The following SPATA16 variants were observed in gnomAD, a reference collection of about 807,000 sequenced individuals.
The protein encoded by SPATA16 is spermatogenesis-associated protein 16.
SPATA16 carries 36 observed loss-of-function variants against 63.3 expected under a neutral mutation model. The ratio of observed to expected loss-of-function variants is 0.57; its 90% CI spans 0.44 to 0.75. The LOEUF (loss-of-function observed/expected upper bound fraction) is 0.75, where lower values mean the gene tolerates loss of function less well. Among genes scored for constraint, SPATA16 ranks in the 30% least tolerant of loss-of-function variants. SPATA16 has a pLI of 0.00. For synonymous variants in SPATA16, 203 were observed against 216.7 expected (o/e 0.94, Z 0.56); for missense variants, 646 against 679.3 (o/e 0.95, Z 0.54).
At chr3:173,028,856 A>G (rs1009411002) in intron 3 of SPATA16, among the ~76,000 whole-genome samples, 1 of 152,058 alleles carries the variant, frequency 6.6e-6, no homozygotes, top group African/African-American at 2.4e-5. Context: ...GATCATCACC[A>G]TATCGGAAGC....
chr3:172,929,321 T>C, intron 6 of SPATA16, among the ~76,000 whole-genome samples: 1 of 152,318 alleles, frequency 6.6e-6, no homozygotes, highest in African/African-American at 2.4e-5. Flanking sequence ...CAAAGATAGA[T>C]TATGCAGATT....
intron 2 of SPATA16, among the ~76,000 whole-genome samples, chr3:173,093,040 A>AACACACACAC (rs57114377): frequency 2.9e-4 from 41 of 142,646 alleles, no homozygotes; most frequent in African/African-American, 5.2e-4. Context: ...ATGCACCTAA[A>AACACACACAC]ACACACACAC....
chr3:172,924,496 C>G (rs1732683976), intron 7 of SPATA16, among the ~76,000 whole-genome samples, 179 bp from the exon 8 acceptor site: 1 of 152,114 alleles, frequency 6.6e-6, no homozygotes, highest in African/African-American at 2.4e-5. Flanking sequence ...GGGAGAAAGG[C>G]AGAGGAGATG....
At chr3:173,048,422 G>C (rs1736005431) in intron 3 of SPATA16, among the ~76,000 whole-genome samples, 2 of 152,016 alleles carry the variant, frequency 1.3e-5, no homozygotes, top group Non-Finnish European at 2.9e-5. Flanking sequence ...GTGACACACA[G>C]ATACATACTT....
intron 1 of SPATA16, among the ~76,000 whole-genome samples, chr3:173,135,913 T>C (rs1487693407): frequency 6.6e-6 from 1 of 152,198 alleles, no homozygotes; most frequent in Non-Finnish European, 1.5e-5. Context: ...TTTTACCAAA[T>C]GTATGTTATG....
intron 3 of SPATA16, among the ~76,000 whole-genome samples, chr3:173,030,639 T>C (rs1159621348): frequency 6.6e-6 from 1 of 152,036 alleles, no homozygotes; most frequent in Non-Finnish European, 1.5e-5. Flanking sequence ...GATTGTAAAA[T>C]GATGCACCCA....
chr3:172,949,090 A>C (rs1733365162), intron 6 of SPATA16, among the ~76,000 whole-genome samples: 1 of 152,164 alleles, frequency 6.6e-6, no homozygotes, highest in African/African-American at 2.4e-5. Context: ...AGGGCCAGTA[A>C]AGGGTATCTG....
intron 8 of SPATA16, among the ~76,000 whole-genome samples, chr3:172,920,802 ATTAT>A (rs1357143311): frequency 4.6e-5 from 7 of 152,206 alleles, no homozygotes; most frequent in Admixed American, 4.6e-4. Context: ...CATATTTATC[ATTAT>A]TTATGTGACA....
At position 173,029,070 on chromosome 3, in the gene SPATA16, A is replaced by G. The variant is rs34640751; in HGVS notation, c.759-9495T>C. Among the ~76,000 whole-genome samples the G allele has an allele frequency of 9.1e-4, 138 of 152,044 alleles. 1 individual carries two copies. Among genetic ancestry groups the G allele is most frequent in the Non-Finnish European group, 1.6e-3 (108 of 67,958 alleles). On this transcript the variant is annotated intron_variant, in intron 3 of 10. Coordinates refer to ENST00000351008, the MANE Select transcript of SPATA16 (RefSeq NM_031955.6). ...ATAAAGCTACAAATAGCTCAGTTCA[A>G]CATAAGGGGGGACTTACTAACCAAT...
At chr3:173,039,555 T>C (rs1427726724) in intron 3 of SPATA16, among the ~76,000 whole-genome samples, 3 of 152,162 alleles carry the variant, frequency 2.0e-5, no homozygotes, top group Admixed American at 6.6e-5. Context: ...TCATATATTG[T>C]TTCCTCATTT....
intron 10 of SPATA16, among the ~76,000 whole-genome samples, chr3:172,906,738 T>C (rs1416880613): frequency 6.7e-6 from 1 of 149,626 alleles, no homozygotes; most frequent in Non-Finnish European, 1.5e-5. Context: ...TAATACATTT[T>C]ACTTTTTTAT....
intron 8 of SPATA16, among the ~76,000 whole-genome samples, chr3:172,917,768 C>A (rs767462368): frequency 2.0e-5 from 3 of 151,886 alleles, no homozygotes; most frequent in Non-Finnish European, 2.9e-5. Flanking sequence ...ATTTCACTTT[C>A]TTAAGAGAAT....
chr3:172,936,853 A>G (rs1733007479), intron 6 of SPATA16, among the ~76,000 whole-genome samples: 1 of 152,090 alleles, frequency 6.6e-6, no homozygotes, highest in Non-Finnish European at 1.5e-5. Context: ...GACTACAGGC[A>G]TGGGCCACTA....
intron 2 of SPATA16, among the ~76,000 whole-genome samples, chr3:173,061,775 A>G (rs1264216380): frequency 6.6e-6 from 1 of 152,202 alleles, no homozygotes; most frequent in East Asian, 1.9e-4. Flanking sequence ...AACTTTCTAC[A>G]TGGTACCTCA....
intron 3 of SPATA16, among the ~76,000 whole-genome samples, chr3:173,035,104 A>C (rs1418425069): frequency 6.6e-6 from 1 of 152,146 alleles, no homozygotes; most frequent in Non-Finnish European, 1.5e-5. Context: ...AACAGCATAT[A>C]TTGTGTTGTG....
chr3:173,048,891 T>C (rs1299961795), intron 3 of SPATA16, 58 bp downstream of exon 3: 10 of 1,594,578 alleles, frequency 6.3e-6, no homozygotes, highest in Admixed American at 1.7e-5. Flanking sequence ...CAAGCTCAGA[T>C]AGTACCCTCC....
chr3:172,922,396 T>G (rs188942894), intron 8 of SPATA16, among the ~76,000 whole-genome samples: 30 of 152,328 alleles, frequency 2.0e-4, no homozygotes, highest in African/African-American at 6.3e-4. Context: ...ATCTCATTAA[T>G]TATGGTTTTA....
chr3:172,957,916 G>T (rs1733638930), intron 5 of SPATA16, among the ~76,000 whole-genome samples: 1 of 152,150 alleles, frequency 6.6e-6, no homozygotes, highest in Non-Finnish European at 1.5e-5. Context: ...ATGCCTCTAT[G>T]ATCATCTACA....
chr3:173,083,396 A>G (rs747609061), intron 2 of SPATA16, among the ~76,000 whole-genome samples: 4 of 152,224 alleles, frequency 2.6e-5, no homozygotes, highest in African/African-American at 4.8e-5. Context: ...AAATAATAAT[A>G]GTAAAGATGA....
Sources: gnomAD v4.1 joint callset for allele counts (sites outside exome capture counted in the v4.1 genomes callset) on GRCh38, gnomAD v4.1.1 for gene constraint, MANE v1.5 for transcripts, NCBI Gene and HGNC (gene_info 2026-07-23, HGNC 2026-07-21) for gene names.